PRKN: variants seen among roughly 807,000 people sequenced by gnomAD.
PRKN encodes the protein parkin RBR E3 ubiquitin protein ligase, also known as E3 ubiquitin-protein ligase parkin.
Under a neutral mutation model 59.5 loss-of-function variants are expected in PRKN, and 56 were observed. That is an observed-to-expected ratio of 0.94 (90% CI 0.76 to 1.18). The LOEUF (loss-of-function observed/expected upper bound fraction) is 1.18. Among genes scored for constraint, PRKN ranks in the 50% most tolerant of loss-of-function variants. The pLI, the probability that PRKN is intolerant of heterozygous loss-of-function variation, is 0.00. For synonymous variants in PRKN, 250 were observed against 222.1 expected, an observed-to-expected ratio of 1.13 and a Z score of -1.12; for missense variants, 657 against 596.4, an observed-to-expected ratio of 1.10 and a Z score of -1.06.
intron 5 of PRKN, among the ~76,000 whole-genome samples, chr6:162,012,394 T>C (rs1562460005): frequency 6.6e-6 from 1 of 152,144 alleles, no homozygotes; most frequent in East Asian, 1.9e-4. Flanking sequence ...AAATGCAAAG[T>C]AAATATATGC....
intron 5 of PRKN, among the ~76,000 whole-genome samples, chr6:161,995,722 A>C (rs936625736): frequency 2.0e-5 from 3 of 152,218 alleles, no homozygotes; most frequent in African/African-American, 7.2e-5. Flanking sequence ...ATCTTACCTC[A>C]GTATGGCTAT....
intron 3 of PRKN, among the ~76,000 whole-genome samples, chr6:162,240,376 C>T (rs1184440348): frequency 6.6e-6 from 1 of 151,974 alleles, no homozygotes; most frequent in African/African-American, 2.4e-5. Flanking sequence ...CCACGCATGC[C>T]CTATGTGTGG....
chr6:161,648,066 G>T (rs6455751), intron 7 of PRKN, among the ~76,000 whole-genome samples: 1 of 152,088 alleles, frequency 6.6e-6, no homozygotes, highest in Admixed American at 6.5e-5. Context: ...ATGCTGAAAT[G>T]TGGTCTTTTG....
Position 161,550,723 on chromosome 6 carries a change from A to ATGTGTGTGTGTGCACGTG in PRKN, c.934-1738_934-1721dup, listed in dbSNP as rs1554275138. ...GGACAACTGTGGTAGAAGAAAGGGT[A>ATGTGTGTGTGTGCACGTG]TGTGTGTGTGTGCACGTGTGTGTGT... On this transcript the variant is annotated intron_variant, in intron 8 of 11. Coordinates refer to ENST00000366898, the MANE Select transcript of PRKN (RefSeq NM_004562.3). This position sits in a 1 kb window ranked among gnomAD's most constrained non-coding sequence, Gnocchi z 4.0. Among the ~76,000 whole-genome samples, 2 of 119,350 alleles carry ATGTGTGTGTGTGCACGTG rather than the reference A, an allele frequency of 1.7e-5. No homozygotes were observed. Among genetic ancestry groups the ATGTGTGTGTGTGCACGTG allele is most frequent in the Non-Finnish European group, 3.7e-5 (2 of 53,638 alleles). The allele number at this position is 119,350 out of a possible 152,430, so 78.3% of individuals were successfully genotyped here.
At chr6:162,511,398 T>G (rs912790222) in intron 1 of PRKN, among the ~76,000 whole-genome samples, 1 of 152,068 alleles carries the variant, frequency 6.6e-6, no homozygotes, top group Non-Finnish European at 1.5e-5. Context: ...CTAGAAAAAC[T>G]GTGAAACAGG....
chr6:161,812,790 A>G (rs1791615903), intron 6 of PRKN, among the ~76,000 whole-genome samples: 2 of 152,246 alleles, frequency 1.3e-5, no homozygotes, highest in African/African-American at 4.8e-5. Flanking sequence ...TTGTGGAGAT[A>G]CTTTAAAATG....
At chr6:162,250,190 G>T (rs1051095251) in intron 3 of PRKN, among the ~76,000 whole-genome samples, 10 of 151,742 alleles carry the variant, frequency 6.6e-5, no homozygotes, top group Non-Finnish European at 5.9e-5. Flanking sequence ...TTTATAAGGG[G>T]GGGGGCAGGG....
chr6:161,758,554 T>C (rs1276095628), intron 7 of PRKN, among the ~76,000 whole-genome samples: 1 of 152,134 alleles, frequency 6.6e-6, no homozygotes, highest in Non-Finnish European at 1.5e-5. Context: ...CAGGGACACA[T>C]GGGAGGGGTC....
At chr6:161,913,515 T>C (rs1197231442) in intron 6 of PRKN, among the ~76,000 whole-genome samples, 1 of 152,128 alleles carries the variant, frequency 6.6e-6, no homozygotes, top group Non-Finnish European at 1.5e-5. Flanking sequence ...TAACAATGAA[T>C]AAAATTAAAT....
intron 6 of PRKN, among the ~76,000 whole-genome samples, chr6:161,890,486 C>T (rs1795302056): frequency 6.6e-6 from 1 of 152,138 alleles, no homozygotes; most frequent in African/African-American, 2.4e-5. Context: ...CTATGCTATG[C>T]GTTCAGAAAA....
intron 3 of PRKN, among the ~76,000 whole-genome samples, chr6:162,240,989 A>G (rs2128091437): frequency 6.6e-6 from 1 of 152,342 alleles, no homozygotes; most frequent in Non-Finnish European, 1.5e-5. Flanking sequence ...TCTCCTAGGC[A>G]CTTTAGCCAT....
At chr6:162,031,007 C>T (rs1207024076) in intron 5 of PRKN, among the ~76,000 whole-genome samples, 1 of 152,188 alleles carries the variant, frequency 6.6e-6, no homozygotes, top group African/African-American at 2.4e-5. Context: ...AACTATAGCG[C>T]ATTTCCTCCT....
At chr6:161,537,327 G>C (rs755406608) in intron 9 of PRKN, among the ~76,000 whole-genome samples, 1 of 152,106 alleles carries the variant, frequency 6.6e-6, no homozygotes, top group Non-Finnish European at 1.5e-5. Context: ...TCTTATTTCT[G>C]ATGCAAATGA....
At chr6:161,474,273 C>T (rs748380074) in intron 9 of PRKN, among the ~76,000 whole-genome samples, 1 of 152,206 alleles carries the variant, frequency 6.6e-6, no homozygotes, top group Non-Finnish European at 1.5e-5. Context: ...CTTCATAACT[C>T]TTACCTTGTT....
chr6:162,653,227 T>G (rs1287990094), intron 1 of PRKN, among the ~76,000 whole-genome samples: 1 of 152,214 alleles, frequency 6.6e-6, no homozygotes, highest in Admixed American at 6.5e-5. Context: ...CAAAGCAGTT[T>G]CAACTGTACC....
intron 4 of PRKN, among the ~76,000 whole-genome samples, chr6:162,081,268 C>G (rs561929396): frequency 3.9e-5 from 6 of 152,170 alleles, no homozygotes; most frequent in Admixed American, 3.9e-4. Flanking sequence ...TTTCAGTTTA[C>G]TTTCCCCAGA....
At chr6:162,656,160 C>T (rs1778632051) in intron 1 of PRKN, among the ~76,000 whole-genome samples, 1 of 152,172 alleles carries the variant, frequency 6.6e-6, no homozygotes, top group Non-Finnish European at 1.5e-5. Flanking sequence ...CTAACAAGAG[C>T]AGTTACAGAA....
chr6:161,934,885 T>G (rs756820775), intron 6 of PRKN, among the ~76,000 whole-genome samples: 1 of 152,186 alleles, frequency 6.6e-6, no homozygotes, highest in Non-Finnish European at 1.5e-5. Flanking sequence ...AAACTAACTT[T>G]GAGATCTCCC....
intron 3 of PRKN, among the ~76,000 whole-genome samples, chr6:162,247,447 T>C (rs1779247162): frequency 6.6e-6 from 1 of 152,182 alleles, no homozygotes; most frequent in Admixed American, 6.5e-5. Context: ...GAATTTTAAC[T>C]GCTTTTGTTT....
Sources: allele counts gnomAD v4.1 joint callset (sites outside exome capture counted in the v4.1 genomes callset), GRCh38; gene constraint gnomAD v4.1.1; non-coding constraint Gnocchi (gnomAD v3.1); transcripts MANE v1.5; gene names NCBI Gene and HGNC (gene_info 2026-07-23, HGNC 2026-07-21).